Variants in EHBP1L1 observed in about 807,000 individuals in gnomAD.
EHBP1L1 encodes the protein EH domain binding protein 1 like 1, also known as EH domain-binding protein 1-like protein 1.
In EHBP1L1, 122 loss-of-function variants were observed where a neutral mutation model predicts 151.1. The ratio of observed to expected loss-of-function variants is 0.81; its 90% confidence interval spans 0.70 to 0.94. EHBP1L1 has a LOEUF of 0.94. EHBP1L1 is among the 40% of genes least tolerant of loss of function. EHBP1L1 has a pLI of 0.00. For missense variants in EHBP1L1, 1,941 were observed against 1,959.8 expected, an observed-to-expected ratio of 0.99 and a Z score of 0.18; for synonymous variants, 878 against 810.1, an observed-to-expected ratio of 1.08 and a Z score of -1.42.
chr11:65,576,232 G>T lies in EHBP1L1; in HGVS notation c.-71G>T. The T allele has an allele frequency of 7.1e-7, 1 of 1,411,820 alleles. No individual in the cohort carries two copies. The highest frequency in any genetic ancestry group is 9.3e-7 in the Non-Finnish European group (1 of 1,070,232). The allele number at this position is 1,411,820 out of a possible 1,614,324, so 87.5% of individuals were successfully genotyped here. ...CGGCGCGGACAGGCCATGGGGACCC[G>T]GGCCGGGCCAGCGGTGGCGGGCCAG... On this transcript the variant is annotated 5_prime_UTR_variant, in exon 1 of 19. Coordinates refer to ENST00000309295, the MANE Select transcript of EHBP1L1 (RefSeq NM_001099409.3).
At chr11:65,576,871 C>G (rs1432902351) in intron 1 of EHBP1L1, among the ~76,000 whole-genome samples, 2 of 152,134 alleles carry the variant, frequency 1.3e-5, no homozygotes, top group Non-Finnish European at 2.9e-5. Context: ...GCCAGAAGAA[C>G]CCCTCCAACT....
chr11:65,584,449 G>A, intron 10 of EHBP1L1, 37 bp from the exon 11 acceptor site: 1 of 1,613,586 alleles, frequency 6.2e-7, no homozygotes. Flanking sequence ...AGGGAGGGCA[G>A]TGTGGACCCA....
intron 12 of EHBP1L1, among the ~76,000 whole-genome samples, chr11:65,586,602 G>C (rs559807651): frequency 6.6e-6 from 1 of 152,216 alleles, no homozygotes; most frequent in African/African-American, 2.4e-5. Context: ...TTTAGGCCTC[G>C]TTTAGGGAAC....
At chr11:65,580,948 C>A in intron 6 of EHBP1L1, 110 bp from the exon 7 acceptor site, 1 of 1,471,656 alleles carries the variant, frequency 6.8e-7, no homozygotes. Context: ...TGCCCTGAGG[C>A]CAGGGCGTTT....
At position 65,581,729 on chromosome 11, in the gene EHBP1L1, G is replaced by A. The variant is rs372711295; in HGVS notation, c.1057G>A (p.Ala353Thr). The change falls in exon 9 of 19, where the codon GCC becomes ACC. Residue 353 changes from alanine (A) to threonine (T), a missense_variant. By Grantham distance (58) the Ala-to-Thr change is moderately conservative (BLOSUM62 0). Transcript: ENST00000309295. The stretch of plus-strand genomic sequence containing the variant: ...GGCATGCCCTCAGGAAGGGACAGAA[G>A]CCCATGGAGCTAGGCTGGGCCCGAG... ...AQACPQEGTE[A>T]HGARLGPSIE... 2.1e-5 allele frequency: 33 copies of A among 1,597,092 alleles called. No homozygotes were observed. The African/African-American group carries it at 3.6e-4, about 18-fold the overall frequency.
chr11:65,579,850 T>C, intron 3 of EHBP1L1, 86 bp from the exon 4 acceptor site: 1 of 1,227,418 alleles, frequency 8.1e-7, no homozygotes, highest in Non-Finnish European at 1.2e-6. Flanking sequence ...AAGCCACCAC[T>C]ACCAAGCACC....
In EHBP1L1 at chr11:65,590,206, G is replaced by A. The variant is rs918303440; in HGVS notation, c.4179G>A (p.Glu1393=). 5 of 1,613,148 alleles carry A rather than the reference G, an allele frequency of 3.1e-6. No homozygotes were observed. Among genetic ancestry groups the A allele is most frequent in the Admixed American group, 1.7e-5 (1 of 59,910 alleles). Residue 1393 remains glutamate, a synonymous_variant, in exon 15 of 19, where the codon GAG becomes GAA. Transcript: ENST00000309295. The stretch of plus-strand genomic sequence containing the variant: ...AGATGCAGCTGAGGAGCCTCATGGA[G>A]TCAGGTGGGGCATACATCTAGGGAT... The part of the protein sequence containing the change: ...EVEMQLRSLM[E]SGANKLQEEV...
chr11:65,584,590 TCA>T, intron 11 of EHBP1L1, 56 bp downstream of exon 11: 1 of 1,581,820 alleles, frequency 6.3e-7, no homozygotes. Context: ...AGCCAGGCTC[TCA>T]GTGTCAGATT....
At chr11:65,580,043 C>T (rs757836153) in intron 4 of EHBP1L1, 38 bp from the exon 5 acceptor site, 3 of 1,613,274 alleles carry the variant, frequency 1.9e-6, no homozygotes, top group Non-Finnish European at 2.5e-6. Flanking sequence ...TGGGACAGCA[C>T]TGATGCCCCT....
rs780068059 is a variant in EHBP1L1, at chr11:65,580,379, G to A, written c.534G>A (p.Lys178=). Residue 178 remains lysine (K), a synonymous_variant, in exon 6 of 19, where the codon AAG becomes AAA. Transcript: ENST00000309295. ...MQSLASLMSV[K]PSDVGNLDDF... ...GTCTCGCAAGCCTCATGAGTGTGAA[G>A]CCTAGTGATGTGGGCAACTTGGATG... is the stretch of plus-strand genomic sequence containing the variant. 1 of 1,613,826 alleles carries A rather than the reference G, an allele frequency of 6.2e-7. No homozygotes were observed. Among genetic ancestry groups the A allele is most frequent in the Non-Finnish European group, 8.5e-7 (1 of 1,179,872 alleles).
At chr11:65,578,113 T>C (rs1437206287) in intron 1 of EHBP1L1, 1 of 152,496 alleles carries the variant, frequency 6.6e-6, no homozygotes, top group Non-Finnish European at 1.5e-5. Context: ...CTCTGTCCTC[T>C]GGCTTTGCCT....
Position 65,581,988 on chromosome 11 carries a change from G to C in EHBP1L1, c.1316G>C (p.Gly439Ala). The change falls in exon 9 of 19, where the codon GGA (glycine) becomes GCA (alanine). Residue 439 changes from glycine (G) to alanine (A), a missense_variant. Gly to Ala is a moderately conservative substitution (Grantham distance 60, BLOSUM62 0). Transcript: ENST00000309295. ...AAGGTGAGACATGTGGACACTAAGGGACCAGAGGCGACAGGGGTGATGCCT... is the reference window on the plus strand; with the variant it reads ...AAGGTGAGACATGTGGACACTAAGGCACCAGAGGCGACAGGGGTGATGCCT... The part of the protein sequence containing the change: ...RSKVRHVDTK[G>A]PEATGVMPEA... 1 of 1,613,792 alleles carries C rather than the reference G, an allele frequency of 6.2e-7. No individual in the cohort carries two copies. The highest frequency in any genetic ancestry group is 8.5e-7 in the Non-Finnish European group (1 of 1,179,852).
Position 65,582,710 on chromosome 11 carries a change from G to A in EHBP1L1, c.2038G>A (p.Glu680Lys). ...AGAGACTGAGGTACTGGTGACCCAG[G>A]AGATATCTGGGGATTTAGGGCCACT... Reference protein sequence around the residue: ...IAETEVLVTQEISGDLGPLKI... With the variant: ...IAETEVLVTQKISGDLGPLKI... Residue 680 changes from glutamate to lysine, a missense_variant, in exon 9 of 19, where the codon GAG (glutamate) becomes AAG (lysine). Transcript: ENST00000309295. The A allele has an allele frequency of 1.9e-6, 3 of 1,613,654 alleles. No homozygotes were observed. The highest frequency in any genetic ancestry group is 2.5e-6 in the Non-Finnish European group (3 of 1,179,868).
At position 65,581,526 on chromosome 11, in the gene EHBP1L1, G is replaced by A; in HGVS notation, c.867-13G>A. ...AAGCAGCCCCCCAACTCCCCCTCCT[G>A]CTCTCTTCTCAGGTCTTCAAGGCAG... is the stretch of plus-strand genomic sequence containing the variant. On this transcript the variant is annotated splice_polypyrimidine_tract_variant and intron_variant, in intron 8 of 18. Transcript: ENST00000309295. 3 of 1,477,502 alleles carry A rather than the reference G, an allele frequency of 2.0e-6. No individual in the cohort carries two copies. Among genetic ancestry groups the A allele is most frequent in the Non-Finnish European group, 1.8e-6 (2 of 1,113,566 alleles). 91.5% of individuals were successfully genotyped at this position (1,477,502 alleles called of 1,614,324 possible).
In EHBP1L1 at chr11:65,582,681, TAGC is replaced by T. The variant is rs776295228; in HGVS notation, c.2012_2014del (p.Ala671del). 2 of 1,613,410 alleles carry T rather than the reference TAGC, an allele frequency of 1.2e-6. No homozygotes were observed. Among genetic ancestry groups the T allele is most frequent in the Admixed American group, 3.3e-5 (2 of 59,986 alleles). Reference sequence around the variant, plus strand: ...GGAGTTTTGCAGACAAGAACTACGATAGCAGAGACTGAGGTACTGGTGACCCAG... The same window carrying T: ...GGAGTTTTGCAGACAAGAACTACGATAGAGACTGAGGTACTGGTGACCCAG... On this transcript the variant is annotated inframe_deletion, in exon 9 of 19. Transcript: ENST00000309295.
intron 6 of EHBP1L1, chr11:65,580,832 A>G: frequency 8.5e-7 from 1 of 1,182,106 alleles, no homozygotes; most frequent in Non-Finnish European, 1.1e-6. Flanking sequence ...GGGCTTCCTC[A>G]TTCCTCCCTG....
chr11:65,578,964 T>G, intron 1 of EHBP1L1, 114 bp from the exon 2 acceptor site: 3 of 1,018,004 alleles, frequency 2.9e-6, no homozygotes, highest in Non-Finnish European at 2.9e-6. Flanking sequence ...GAGGGGGAGG[T>G]GGGCAGAAGG....
intron 16 of EHBP1L1, chr11:65,591,440 GC>G: frequency 5.0e-6 from 2 of 397,522 alleles, no homozygotes; most frequent in East Asian, 1.2e-4. Flanking sequence ...TGCGGCCATT[GC>G]CTTTGTCATC....
chr11:65,585,348 A>G lies in EHBP1L1; in HGVS notation c.3690A>G (p.Arg1230=), dbSNP rs571526972. The change falls in exon 12 of 19, where the codon CGA becomes CGG. Residue 1230 remains arginine (R), a synonymous_variant. Coordinates refer to ENST00000309295, the MANE Select transcript of EHBP1L1 (RefSeq NM_001099409.3). The surrounding 1 kb of genome is among the most constrained non-coding windows in gnomAD (Gnocchi z 4.0). The part of the protein sequence containing the change: ...DGGAEAPRES[R]PAEVPAEGLV... ...GGGCCGAGGCCCCCCGAGAGTCGCG[A>G]CCCGCGGAGGTCCCGGCCGAGGGGC... is the stretch of plus-strand genomic sequence containing the variant. The G allele has an allele frequency of 1.2e-4, 131 of 1,100,342 alleles. No individual in the cohort carries two copies. The African/African-American group carries it at 2.1e-3, about 18-fold the overall frequency. The allele number at this position is 1,100,342 out of a possible 1,614,324, so 68.2% of individuals were successfully genotyped here. A position where few individuals can be genotyped will look rare whatever the true frequency, so the allele number is the denominator to read the frequency against.
Sources: allele counts gnomAD v4.1 joint callset (sites outside exome capture counted in the v4.1 genomes callset), GRCh38; gene constraint gnomAD v4.1.1; non-coding constraint Gnocchi (gnomAD v3.1); transcripts MANE v1.5; gene names NCBI Gene and HGNC (gene_info 2026-07-23, HGNC 2026-07-21).